Variants in ATP6AP1 observed in about 807,000 individuals in gnomAD.
ATP6AP1 encodes the protein V-type proton ATPase subunit S1.
In ATP6AP1, 1 loss-of-function variant was observed where a neutral mutation model predicts 32.0. The observed-to-expected ratio is 0.03, with a 90% confidence interval of 0.01 to 0.15. The LOEUF (loss-of-function observed/expected upper bound fraction) is 0.15. ATP6AP1 is among the 10% of genes least tolerant of loss of function. ATP6AP1 has a pLI of 1.00. For missense variants in ATP6AP1, 297 were observed against 398.8 expected (o/e 0.74, Z 2.17); for synonymous variants, 187 against 174.9 (o/e 1.07, Z -0.55).
At position 154,429,125 on chromosome X, in the gene ATP6AP1, C is replaced by T. The variant is rs782098927; in HGVS notation, c.239C>T (p.Pro80Leu). The change falls in exon 2 of 10, where the codon CCC becomes CTC. Residue 80 changes from proline to leucine, a missense_variant. By Grantham distance (98) the Pro-to-Leu change is moderately conservative. Around this residue, in one of 2 missense-constraint regions of ATP6AP1, gnomAD observed 142 missense variants for 145.0 expected, o/e 0.98. Transcript: ENST00000369762. Reference sequence around the variant, plus strand: ...TTGCAGCTCTCTACCTACTTAGATCCCGCCCTGGAGCTGGGTCCCAGGAAT... The same window carrying T: ...TTGCAGCTCTCTACCTACTTAGATCTCGCCCTGGAGCTGGGTCCCAGGAAT... ...SDLQLSTYLD[P>L]ALELGPRNVL... 2.5e-6 allele frequency: 3 copies of T among 1,211,814 alleles called. No individual in the cohort carries two copies. The South Asian group carries it at 5.3e-5, about 21-fold the overall frequency.
At chrX:154,434,838 C>T (rs2068710847) in intron 7 of ATP6AP1, among the ~76,000 whole-genome samples, 1 of 111,758 alleles carries the variant, frequency 8.9e-6, no homozygotes, top group African/African-American at 3.3e-5. Flanking sequence ...AAGCCCAGCC[C>T]AGGCACCTTA....
chrX:154,432,858 G>T, intron 4 of ATP6AP1, 73 bp from the exon 5 acceptor site: 1 of 1,135,317 alleles, frequency 8.8e-7, no homozygotes, highest in Non-Finnish European at 1.2e-6. Flanking sequence ...GAGAAGCTGG[G>T]GTCGGGGAAG....
rs1426797644 is a variant in ATP6AP1 at position 154,434,532 on chromosome X, T to A, written c.923+86T>A. The A allele has an allele frequency of 4.1e-6, 4 of 982,002 alleles. No homozygotes were observed. In the East Asian group the frequency reaches 1.2e-4, roughly 30 times the overall value. The allele number at this position is 982,002 out of a possible 1,213,427, so 80.9% of individuals were successfully genotyped here. The stretch of plus-strand genomic sequence containing the variant: ...TCGCAGGTGGGGCAGGGAGCCAGGG[T>A]CAGGTCTGTGTTTTGGGGTGGGGAT... On this transcript the variant is annotated intron_variant, in intron 7 of 9. Transcript: ENST00000369762.
intron 2 of ATP6AP1, 35 bp downstream of exon 2, chrX:154,429,209 C>T (rs1557196399): frequency 2.5e-6 from 3 of 1,204,140 alleles, no homozygotes; most frequent in Middle Eastern, 2.3e-4. Context: ...CCCCGGTCAT[C>T]GGGAGGCAGC....
intron 4 of ATP6AP1, 35 bp downstream of exon 4, chrX:154,432,494 G>A: frequency 2.6e-6 from 3 of 1,142,259 alleles, no homozygotes; most frequent in Non-Finnish European, 2.3e-6. Context: ...CAGCCTCGGG[G>A]CCCAGAGAGC....
intron 5 of ATP6AP1, 39 bp from the exon 6 acceptor site, chrX:154,433,596 C>G (rs1297553452): frequency 1.7e-6 from 2 of 1,168,295 alleles, no homozygotes; most frequent in Admixed American, 2.2e-5. Flanking sequence ...TGCAGGGTGC[C>G]TGGTGACCTG....
At position 154,435,699 on chromosome X, in the gene ATP6AP1, A is replaced by G; in HGVS notation, c.1221A>G (p.Val407=). Residue 407 remains valine (V), a synonymous_variant, in exon 10 of 10, where the codon GTA becomes GTG. Transcript: ENST00000369762. The part of the protein sequence containing the change: ...LQDFQIQAFN[V]MGEQFSYASD... ...TCTGCCAGATCCAGGCTTTCAACGT[A>G]ATGGGGGAGCAGTTCTCCTACGCCA... The G allele has an allele frequency of 8.3e-7, 1 of 1,211,486 alleles. No homozygotes were observed. The highest frequency in any genetic ancestry group is 1.1e-6 in the Non-Finnish European group (1 of 895,409).
rs2068718205 is a variant in ATP6AP1 at position 154,436,110 on chromosome X, C to G, written c.*219C>G. The G allele has an allele frequency of 3.5e-5, 15 of 428,309 alleles. No homozygotes were observed. The South Asian group carries it at 5.6e-4, about 16-fold the overall frequency. The allele number at this position is 428,309 out of a possible 1,213,427, so 35.3% of individuals were successfully genotyped here. On this transcript the variant is annotated 3_prime_UTR_variant, in exon 10 of 10. Transcript: ENST00000369762. ...TACATATTCTGCGTAGATGCTAGAC[C>G]AACCAGCTTCCCAGGGTTCGTCGCT... is the stretch of plus-strand genomic sequence containing the variant.
intron 4 of ATP6AP1, 42 bp downstream of exon 4, chrX:154,432,501 G>C: frequency 8.8e-7 from 1 of 1,137,024 alleles, no homozygotes; most frequent in Non-Finnish European, 1.2e-6. Context: ...GGGGCCCAGA[G>C]AGCAGCAAGG....
intron 3 of ATP6AP1, 73 bp downstream of exon 3, chrX:154,431,977 C>T (rs782275475): frequency 1.8e-6 from 2 of 1,081,551 alleles, no homozygotes; most frequent in Admixed American, 4.6e-5. Context: ...GAACTGTACT[C>T]TGACCTCATA....
Position 154,435,236 on chromosome X carries a change from C to A in ATP6AP1, c.972-38C>A, listed in dbSNP as rs782692772. 1.2e-5 allele frequency: 15 copies of A among 1,207,233 alleles called. No homozygotes were observed. In the East Asian group the frequency reaches 4.5e-4, roughly 36 times the overall value. The stretch of plus-strand genomic sequence containing the variant: ...ATGGGTGGGCTGGTGTGGCCCCAGC[C>A]TCCCCAGCTCACCTGACATCCCTGC... On this transcript the variant is annotated intron_variant, in intron 8 of 9. Transcript: ENST00000369762.
chrX:154,435,121 C>A lies in ATP6AP1; in HGVS notation c.924-18C>A, dbSNP rs1008076942. The stretch of plus-strand genomic sequence containing the variant: ...CCTCCCAGAGCCTCACAGTGCGCCT[C>A]TTTCTCTGGCCCCACAGGCTCTCAC... On this transcript the variant is annotated intron_variant, in intron 7 of 9. Transcript: ENST00000369762. 1 of 1,206,556 alleles carries A rather than the reference C, an allele frequency of 8.3e-7. No homozygotes were observed. The highest frequency in any genetic ancestry group is 1.7e-5 in the African/African-American group (1 of 57,842).
chrX:154,431,489 C>G lies in ATP6AP1; in HGVS notation c.289-341C>G, dbSNP rs782116610. The G allele has an allele frequency of 2.6e-5, 5 of 193,708 alleles. No homozygotes were observed. The East Asian group carries it at 4.3e-4, about 17-fold the overall frequency. The allele number at this position is 193,708 out of a possible 1,213,427, so 16.0% of individuals were successfully genotyped here. A position where few individuals can be genotyped will look rare whatever the true frequency, so the allele number is the denominator to read the frequency against. On this transcript the variant is annotated intron_variant, in intron 2 of 9. Coordinates refer to ENST00000369762, the MANE Select transcript of ATP6AP1 (RefSeq NM_001183.6). ...ACAAATGCTCTTGGCTGCCCCACCCCCTCCCCGCAGCTTCCCTGTTCCCTC... is the reference window on the plus strand; with the variant it reads ...ACAAATGCTCTTGGCTGCCCCACCCGCTCCCCGCAGCTTCCCTGTTCCCTC...
chrX:154,430,531 G>T (rs1341092249), intron 2 of ATP6AP1: 1 of 112,280 alleles, frequency 8.9e-6, no homozygotes, highest in Non-Finnish European at 1.9e-5. Context: ...TATGTGCCAG[G>T]TATTGTGAAG....
chrX:154,430,412 C>T (rs2068687443), intron 2 of ATP6AP1: 1 of 112,384 alleles, frequency 8.9e-6, no homozygotes, highest in South Asian at 3.6e-4. Context: ...AGCCACCGCG[C>T]CCGGCCTGTG....
rs782400884 is a variant in ATP6AP1 at position 154,432,249 on chromosome X, C to T, written c.364-17C>T. On this transcript the variant is annotated splice_polypyrimidine_tract_variant and intron_variant, in intron 3 of 9. Transcript: ENST00000369762. ...GGCCCCTGGCTAACTCACCTTTTGC[C>T]TCTCCCCTGTCCCCAGAATGCCCTG... 18 of 1,182,870 alleles carry T rather than the reference C, an allele frequency of 1.5e-5. No individual in the cohort carries two copies. The highest frequency in any genetic ancestry group is 2.1e-5 in the Non-Finnish European group (18 of 876,304).
chrX:154,432,843 G>A (rs1343828162), intron 4 of ATP6AP1, 88 bp from the exon 5 acceptor site: 1 of 1,070,563 alleles, frequency 9.3e-7, no homozygotes, highest in Non-Finnish European at 1.3e-6. Context: ...GGGGCTAGTG[G>A]GGAGGAGAAG....
intron 5 of ATP6AP1, 132 bp from the exon 6 acceptor site, chrX:154,433,502 TA>T: frequency 1.5e-6 from 1 of 660,972 alleles, no homozygotes; most frequent in Non-Finnish European, 2.4e-6. Flanking sequence ...TAGCTGCTCC[TA>T]AGGATCCTCA....
intron 1 of ATP6AP1, 80 bp from the exon 2 acceptor site, chrX:154,428,968 G>A: frequency 3.4e-6 from 4 of 1,172,683 alleles, no homozygotes; most frequent in Non-Finnish European, 4.6e-6. Flanking sequence ...TTGCTCGGGG[G>A]CTCGCAGCGA....
Sources: allele counts gnomAD v4.1 joint callset (sites outside exome capture counted in the v4.1 genomes callset), GRCh38; gene constraint gnomAD v4.1.1; regional missense constraint gnomAD v4.1.1; transcripts MANE v1.5; gene names NCBI Gene and HGNC (gene_info 2026-07-23, HGNC 2026-07-21).